The following HSDL2 variants were observed in gnomAD, a reference collection of about 807,000 sequenced individuals.
HSDL2 encodes hydroxysteroid dehydrogenase like 2, also known as hydroxysteroid dehydrogenase-like protein 2.
Under a neutral mutation model 46.3 loss-of-function variants are expected in HSDL2, and 27 were observed. The ratio of observed to expected loss-of-function variants is 0.58; its 90% CI spans 0.43 to 0.80. The LOEUF is 0.80. Among genes scored for constraint, HSDL2 ranks in the 30% least tolerant of loss-of-function variants. HSDL2 has a pLI of 0.00. For missense variants in HSDL2, 451 were observed against 502.7 expected, an observed-to-expected ratio of 0.90 and a Z score of 0.98; for synonymous variants, 153 against 163.6, an observed-to-expected ratio of 0.94 and a Z score of 0.50.
At chr9:112,466,417 GT>G (rs1474706050) in intron 10 of HSDL2, among the ~76,000 whole-genome samples, 1 of 152,002 alleles carries the variant, frequency 6.6e-6, no homozygotes, top group African/African-American at 2.4e-5. Flanking sequence ...GCTGGGCATG[GT>G]GGCAGGTGCA....
rs547594054 is a variant in HSDL2, at chr9:112,409,921, C to A, written c.395+900C>A. 5.9e-5 allele frequency among the ~76,000 whole-genome samples: 9 copies of A among 151,410 alleles called. No individual in the cohort carries two copies. The South Asian group carries it at 1.9e-3, about 32-fold the overall frequency. On this transcript the variant is annotated intron_variant, in intron 4 of 10. Coordinates refer to ENST00000398805, the MANE Select transcript of HSDL2 (RefSeq NM_032303.5). Reference sequence around the variant, plus strand: ...AAATATTTGCATGTGTAAATACTTACATGTATACTCTGTCTTTCATAGGAC... The same window carrying A: ...AAATATTTGCATGTGTAAATACTTAAATGTATACTCTGTCTTTCATAGGAC...
chr9:112,423,747 A>C (rs1832180538), intron 6 of HSDL2, among the ~76,000 whole-genome samples: 1 of 141,664 alleles, frequency 7.1e-6, no homozygotes, highest in Non-Finnish European at 1.5e-5. Context: ...ACAGAGTCTC[A>C]CTCTGTCGCC....
intron 4 of HSDL2, among the ~76,000 whole-genome samples, chr9:112,415,853 T>C (rs955650417): frequency 1.3e-5 from 2 of 151,854 alleles, no homozygotes; most frequent in Non-Finnish European, 2.9e-5. Flanking sequence ...TCTGTAGGAG[T>C]AGTTTAAAAT....
At chr9:112,397,140 G>C (rs979253849) in intron 1 of HSDL2, among the ~76,000 whole-genome samples, 1 of 152,152 alleles carries the variant, frequency 6.6e-6, no homozygotes, top group Admixed American at 6.5e-5. Context: ...TAATGGTGCA[G>C]TTTGTTCGAG....
chr9:112,388,755 G>GAAAAA (rs200132712), intron 1 of HSDL2, among the ~76,000 whole-genome samples: 1 of 145,176 alleles, frequency 6.9e-6, no homozygotes. Flanking sequence ...CTCCATCTTG[G>GAAAAA]AAAAAAAAAA....
chr9:112,452,946 T>TA (rs1564130439), intron 8 of HSDL2, among the ~76,000 whole-genome samples: 1 of 152,194 alleles, frequency 6.6e-6, no homozygotes, highest in Non-Finnish European at 1.5e-5. Context: ...GGCAGCCTGT[T>TA]AGTCAGGGGA....
At chr9:112,467,169 A>C (rs1833417393) in intron 10 of HSDL2, among the ~76,000 whole-genome samples, 1 of 146,846 alleles carries the variant, frequency 6.8e-6, no homozygotes, top group Non-Finnish European at 1.5e-5. Flanking sequence ...AAACAACCTA[A>C]ATGTCCATTA....
At chr9:112,435,901 A>G (rs1451646695) in intron 6 of HSDL2, among the ~76,000 whole-genome samples, 1 of 148,670 alleles carries the variant, frequency 6.7e-6, no homozygotes, top group African/African-American at 2.5e-5. Context: ...TTCAGCTGCT[A>G]TTTTTTTTTT....
Position 112,470,787 on chromosome 9 carries a change from CTTTGAGCCTTACATCTCATTCA to C in HSDL2, c.*244_*265del. On this transcript the variant is annotated 3_prime_UTR_variant, in exon 11 of 11. Transcript: ENST00000398805. ...GTTTTTATATTTCAAGGGTTTAACC[CTTTGAGCCTTACATCTCATTCA>C]CTGTCTTTCTCCAAGAAAAGTATTT... 3.7e-6 allele frequency: 1 copy of C among 269,956 alleles called. No homozygotes were observed. The highest frequency in any genetic ancestry group is 8.5e-5 in the South Asian group (1 of 11,818). 16.7% of individuals were successfully genotyped at this position (269,956 alleles called of 1,614,324 possible). A position where few individuals can be genotyped will look rare whatever the true frequency, so the allele number is the denominator to read the frequency against.
chr9:112,418,594 G>A (rs1832048848), intron 5 of HSDL2, among the ~76,000 whole-genome samples: 2 of 150,466 alleles, frequency 1.3e-5, no homozygotes, highest in Non-Finnish European at 3.0e-5. Flanking sequence ...GTATATATAT[G>A]TATATATGTA....
At chr9:112,432,321 C>T (rs78412076) in intron 6 of HSDL2, among the ~76,000 whole-genome samples, 4,679 of 152,206 alleles carry the variant, frequency 0.031, 273 homozygotes, top group African/African-American at 0.11. Context: ...TCACTTACAC[C>T]GTTTGTAATT....
At chr9:112,444,129 G>C (rs1045526217) in intron 8 of HSDL2, among the ~76,000 whole-genome samples, 1 of 152,162 alleles carries the variant, frequency 6.6e-6, no homozygotes, top group Non-Finnish European at 1.5e-5. Flanking sequence ...TCAGTCAATA[G>C]CAATTTTACC....
chr9:112,398,025 G>C (rs35938444), intron 1 of HSDL2, among the ~76,000 whole-genome samples: 71,001 of 151,898 alleles, frequency 0.47, 16,919 homozygotes, highest in Admixed American at 0.55. Flanking sequence ...AGGCACATGA[G>C]ATGGACTCGG....
At chr9:112,426,583 T>C (rs1398833606) in intron 6 of HSDL2, among the ~76,000 whole-genome samples, 3 of 152,146 alleles carry the variant, frequency 2.0e-5, no homozygotes, top group African/African-American at 7.2e-5. Flanking sequence ...CTGCAGCTTA[T>C]TGGTTTAAAA....
At chr9:112,406,059 G>A (rs1831718972) in intron 3 of HSDL2, among the ~76,000 whole-genome samples, 1 of 152,002 alleles carries the variant, frequency 6.6e-6, no homozygotes, top group Non-Finnish European at 1.5e-5. Flanking sequence ...TACTCAGGAG[G>A]CTGAGGTGGA....
At position 112,386,288 on chromosome 9, in the gene HSDL2, T is replaced by G. The variant is rs1168258220; in HGVS notation, c.17+6108T>G. 2.0e-5 allele frequency among the ~76,000 whole-genome samples: 3 copies of G among 152,194 alleles called. No individual in the cohort carries two copies. The East Asian group carries it at 5.8e-4, about 29-fold the overall frequency. On this transcript the variant is annotated intron_variant, in intron 1 of 10. Coordinates refer to ENST00000398805, the MANE Select transcript of HSDL2 (RefSeq NM_032303.5). ...TTCAGACCTTCCATCTGGAAACACT[T>G]TTCTTCTGACTGAAGTGTAACCTTT...
At chr9:112,448,431 T>C (rs1040400683) in intron 8 of HSDL2, among the ~76,000 whole-genome samples, 3 of 152,196 alleles carry the variant, frequency 2.0e-5, no homozygotes, top group African/African-American at 7.2e-5. Context: ...GTTAGATTGG[T>C]ATCTATTTTT....
intron 1 of HSDL2, among the ~76,000 whole-genome samples, chr9:112,389,169 G>A (rs528210434): frequency 8.5e-5 from 13 of 152,260 alleles, no homozygotes; most frequent in Admixed American, 2.0e-4. Flanking sequence ...TGGGACTACA[G>A]GCACACACTG....
chr9:112,413,514 G>T (rs968976560), intron 4 of HSDL2, among the ~76,000 whole-genome samples: 2 of 139,508 alleles, frequency 1.4e-5, no homozygotes, highest in East Asian at 4.3e-4. Context: ...GAAAAGAAAA[G>T]AAATATTTCT....
Sources: gnomAD v4.1 joint callset for allele counts (sites outside exome capture counted in the v4.1 genomes callset) on GRCh38, gnomAD v4.1.1 for gene constraint, MANE v1.5 for transcripts, NCBI Gene and HGNC (gene_info 2026-07-23, HGNC 2026-07-21) for gene names.